The following C2CD2 variants were observed in gnomAD, a reference collection of about 807,000 sequenced individuals.
The protein encoded by C2CD2 is C2 domain-containing protein 2.
In C2CD2, 43 loss-of-function variants were observed where a neutral mutation model predicts 74.3. The observed-to-expected ratio is 0.58, with a 90% CI of 0.45 to 0.75. The LOEUF (loss-of-function observed/expected upper bound fraction) is 0.75, where lower values mean the gene tolerates loss of function less well. Among genes scored for constraint, C2CD2 ranks in the 30% least tolerant of loss-of-function variants. The pLI is 0.00. For synonymous variants in C2CD2, 422 were observed against 390.7 expected, an observed-to-expected ratio of 1.08 and a Z score of -0.94; for missense variants, 801 against 916.3, an observed-to-expected ratio of 0.87 and a Z score of 1.63.
At chr21:41,915,860 C>T (rs182156758) in intron 5 of C2CD2, among the ~76,000 whole-genome samples, 1 of 152,106 alleles carries the variant, frequency 6.6e-6, no homozygotes, top group East Asian at 1.9e-4. Context: ...GTTAAAGAGG[C>T]TCTGTTCGTT....
In C2CD2 at chr21:41,909,538, C is replaced by T; in HGVS notation, c.954-15G>A. 6.3e-7 allele frequency: 1 copy of T among 1,586,204 alleles called. No individual in the cohort carries two copies. The highest frequency in any genetic ancestry group is 1.3e-5 in the African/African-American group (1 of 74,486). On this transcript the variant is annotated splice_polypyrimidine_tract_variant and intron_variant, in intron 7 of 13. Coordinates refer to ENST00000380486, the MANE Select transcript of C2CD2 (RefSeq NM_015500.2). The stretch of plus-strand genomic sequence containing the variant: ...CATTCAACTCGCTTTGGAAGAGAAA[C>T]AAGTTATGAGTCCTAAAAAATGCAA...
chr21:41,899,468 G>T lies in C2CD2; in HGVS notation c.1561-106C>A. ...AAACATTCTGACAGCTGATTTCAAA[G>T]TCTCAGAAGATGCAGCCGTGGGCCT... On this transcript the variant is annotated intron_variant, in intron 12 of 13. Transcript: ENST00000380486. This position sits in a 1 kb window ranked among gnomAD's most constrained non-coding sequence, Gnocchi z 4.4. 12 of 1,105,290 alleles carry T rather than the reference G, an allele frequency of 1.1e-5. No homozygotes were observed. Among genetic ancestry groups the T allele is most frequent in the African/African-American group, 1.5e-5 (1 of 64,764 alleles). The allele number at this position is 1,105,290 out of a possible 1,614,324, so 68.5% of individuals were successfully genotyped here.
rs1049754981 is a variant in C2CD2, at chr21:41,892,721, G to C, written c.1871-3377C>G. On this transcript the variant is annotated intron_variant, in intron 13 of 13. Coordinates refer to ENST00000380486, the MANE Select transcript of C2CD2 (RefSeq NM_015500.2). The surrounding 1 kb of genome is among the most constrained non-coding windows in gnomAD (Gnocchi z 4.6). ...AGCTGGGGTTATCCACTGCTAGCCC[G>C]GGTCTGGCCAAAATGCCACTAGTGC... 2.0e-5 allele frequency among the ~76,000 whole-genome samples: 3 copies of C among 152,232 alleles called. No individual in the cohort carries two copies. The highest frequency in any genetic ancestry group is 4.4e-5 in the Non-Finnish European group (3 of 68,046).
Position 41,889,359 on chromosome 21 carries a change from C to A in C2CD2, c.1871-15G>T. The A allele has an allele frequency of 6.3e-7, 1 of 1,586,518 alleles. No individual in the cohort carries two copies. Among genetic ancestry groups the A allele is most frequent in the South Asian group, 1.1e-5 (1 of 90,162 alleles). On this transcript the variant is annotated splice_polypyrimidine_tract_variant and intron_variant, in intron 13 of 13. Coordinates refer to ENST00000380486, the MANE Select transcript of C2CD2 (RefSeq NM_015500.2). Reference sequence around the variant, plus strand: ...TAGAATTCCTCCTGGAAGAGGGAGGCACAAGGGCTGGTCAAGTGGGCAGGG... The same window carrying A: ...TAGAATTCCTCCTGGAAGAGGGAGGAACAAGGGCTGGTCAAGTGGGCAGGG...
At chr21:41,911,615 C>G (rs187686369) in intron 7 of C2CD2, among the ~76,000 whole-genome samples, 1 of 151,806 alleles carries the variant, frequency 6.6e-6, no homozygotes, top group Non-Finnish European at 1.5e-5. Flanking sequence ...AGGTTGGTCT[C>G]GAACTCCTGA....
Position 41,918,096 on chromosome 21 carries a change from T to A in C2CD2, c.720+9A>T. The A allele has an allele frequency of 6.2e-7, 1 of 1,612,158 alleles. No individual in the cohort carries two copies. Among genetic ancestry groups the A allele is most frequent in the Non-Finnish European group, 8.5e-7 (1 of 1,178,292 alleles). On this transcript the variant is annotated intron_variant, in intron 5 of 13. Transcript: ENST00000380486. ...TTCAGATGCACCCACAGCACCCAGA[T>A]GAGTTTACCTGAGCTTCCTTTACAG... is the stretch of plus-strand genomic sequence containing the variant.
At chr21:41,941,414 C>T (rs932547343) in intron 2 of C2CD2, among the ~76,000 whole-genome samples, 23 of 152,132 alleles carry the variant, frequency 1.5e-4, no homozygotes, top group African/African-American at 5.6e-4. Context: ...GGACTTATTA[C>T]AGAAGCTTTT....
chr21:41,922,870 T>A (rs944549902), intron 2 of C2CD2, among the ~76,000 whole-genome samples: 1 of 152,236 alleles, frequency 6.6e-6, no homozygotes, highest in Admixed American at 6.5e-5. Context: ...ATTAAAACCT[T>A]TTCTATAATA....
At chr21:41,937,819 G>T (rs2065320979) in intron 2 of C2CD2, among the ~76,000 whole-genome samples, 2 of 152,154 alleles carry the variant, frequency 1.3e-5, no homozygotes, top group South Asian at 4.1e-4. Context: ...GGATAAACCT[G>T]GAGAACATTA....
At chr21:41,915,738 C>A (rs1265113287) in intron 5 of C2CD2, among the ~76,000 whole-genome samples, 1 of 152,238 alleles carries the variant, frequency 6.6e-6, no homozygotes, top group Non-Finnish European at 1.5e-5. Context: ...CCACGCCTGG[C>A]CAAGAGTGTT....
intron 13 of C2CD2, chr21:41,894,761 C>T (rs2064801703): frequency 2.2e-6 from 1 of 456,792 alleles, no homozygotes; most frequent in South Asian, 1.5e-5. Flanking sequence ...CCTGTTTCGA[C>T]TTGGAAGCAG....
chr21:41,932,599 G>T (rs2065272241), intron 2 of C2CD2, among the ~76,000 whole-genome samples: 1 of 150,576 alleles, frequency 6.6e-6, no homozygotes, highest in Non-Finnish European at 1.5e-5. Context: ...GTTGGCACCA[G>T]AGTTGAAGAA....
At chr21:41,901,442 CTG>C (rs1363651706) in intron 12 of C2CD2, 178 bp downstream of exon 12, 1 of 690,590 alleles carries the variant, frequency 1.4e-6, no homozygotes. Flanking sequence ...ATAGGATAAA[CTG>C]TGTAAACACA....
In C2CD2 at chr21:41,886,366, G is replaced by C. The variant is rs2064684111; in HGVS notation, c.*2758C>G. Reference sequence around the variant, plus strand: ...CTTTAACCTTCACAACATTTACTTTGTCATAAATACCCTACACCATGAAAA... The same window carrying C: ...CTTTAACCTTCACAACATTTACTTTCTCATAAATACCCTACACCATGAAAA... On this transcript the variant is annotated 3_prime_UTR_variant, in exon 14 of 14. Coordinates refer to ENST00000380486, the MANE Select transcript of C2CD2 (RefSeq NM_015500.2). 6.6e-6 allele frequency: 1 copy of C among 152,174 alleles called. No individual in the cohort carries two copies. Among genetic ancestry groups the C allele is most frequent in the Admixed American group, 6.5e-5 (1 of 15,278 alleles). The allele number at this position is 152,174 out of a possible 1,614,324, so 9.4% of individuals were successfully genotyped here. A position where few individuals can be genotyped will look rare whatever the true frequency, so the allele number is the denominator to read the frequency against.
Position 41,929,642 on chromosome 21 carries a change from T to C in C2CD2, c.379-7557A>G, listed in dbSNP as rs1271888854. On this transcript the variant is annotated intron_variant, in intron 2 of 13. Coordinates refer to ENST00000380486, the MANE Select transcript of C2CD2 (RefSeq NM_015500.2). This position sits in a 1 kb window ranked among gnomAD's most constrained non-coding sequence, Gnocchi z 4.6. ...ATACCATTGGGAGCCTCCATTTACT[T>C]AGAAATGAAACTGAAAACAGACAAC... Among the ~76,000 whole-genome samples, 1 of 152,238 alleles carries C rather than the reference T, an allele frequency of 6.6e-6. No homozygotes were observed. The highest frequency in any genetic ancestry group is 2.4e-5 in the African/African-American group (1 of 41,458).
chr21:41,921,272 C>G (rs1337513402), intron 3 of C2CD2, among the ~76,000 whole-genome samples: 1 of 152,124 alleles, frequency 6.6e-6, no homozygotes. Context: ...CAGTGACCCT[C>G]GAAACAAGCC....
At position 41,926,076 on chromosome 21, in the gene C2CD2, G is replaced by A. The variant is rs986546726; in HGVS notation, c.379-3991C>T. Among the ~76,000 whole-genome samples the A allele has an allele frequency of 3.3e-5, 5 of 152,244 alleles. No individual in the cohort carries two copies. Among genetic ancestry groups the A allele is most frequent in the East Asian group, 1.9e-4 (1 of 5,170 alleles). Reference sequence around the variant, plus strand: ...ATAGAAGCAATTATTTGGCATAGGCGGCAGTGACAGTGAACTCCTCAGAGG... The same window carrying A: ...ATAGAAGCAATTATTTGGCATAGGCAGCAGTGACAGTGAACTCCTCAGAGG... On this transcript the variant is annotated intron_variant, in intron 2 of 13. Coordinates refer to ENST00000380486, the MANE Select transcript of C2CD2 (RefSeq NM_015500.2). The surrounding 1 kb of genome is among the most constrained non-coding windows in gnomAD (Gnocchi z 8.0).
At chr21:41,898,869 G>A (rs955925697) in intron 13 of C2CD2, among the ~76,000 whole-genome samples, 184 bp downstream of exon 13, 6 of 152,184 alleles carry the variant, frequency 3.9e-5, no homozygotes, top group African/African-American at 1.4e-4. Context: ...CAGAAGGACC[G>A]GCAGATGCCC....
At chr21:41,912,493 A>ATTT (rs71319914) in intron 6 of C2CD2, 53 bp from the exon 7 acceptor site, 32 of 599,836 alleles carry the variant, frequency 5.3e-5, no homozygotes, top group African/African-American at 3.4e-4. Flanking sequence ...TTATTTATTT[A>ATTT]TTTTTTTTTT....
Sources: allele counts gnomAD v4.1 joint callset (sites outside exome capture counted in the v4.1 genomes callset), GRCh38; gene constraint gnomAD v4.1.1; non-coding constraint Gnocchi (gnomAD v3.1); transcripts MANE v1.5; gene names NCBI Gene and HGNC (gene_info 2026-07-23, HGNC 2026-07-21).